Variants in ZRANB3 observed in about 807,000 individuals in gnomAD.
ZRANB3 encodes zinc finger RANBP2-type containing 3.
A neutral mutation model predicts 133.8 loss-of-function variants in ZRANB3; 125 were observed. That is an observed-to-expected ratio of 0.93 (90% CI 0.81 to 1.08). The LOEUF is 1.08. Among genes scored for constraint, ZRANB3 ranks in the 50% least tolerant of loss-of-function variants. The probability of loss-of-function intolerance (pLI) is 0.00; values close to 1 mark genes in which losing one functional copy is unlikely to be tolerated. For missense variants in ZRANB3, 1,229 were observed against 1,275.5 expected, an observed-to-expected ratio of 0.96 and a Z score of 0.56; for synonymous variants, 387 against 432.7, an observed-to-expected ratio of 0.89 and a Z score of 1.31.
chr2:135,409,095 A>G (rs1188474015), intron 2 of ZRANB3, among the ~76,000 whole-genome samples: 1 of 152,192 alleles, frequency 6.6e-6, no homozygotes, highest in African/African-American at 2.4e-5. Flanking sequence ...GGTGAGGGCC[A>G]CAGGAAACTT....
intron 2 of ZRANB3, among the ~76,000 whole-genome samples, chr2:135,462,377 G>C (rs1005307054): frequency 1.3e-5 from 2 of 152,096 alleles, no homozygotes; most frequent in Admixed American, 6.6e-5. Context: ...ACAATTCCAC[G>C]TAACTAAAAA....
chr2:135,455,136 C>A (rs1251059187), intron 2 of ZRANB3, among the ~76,000 whole-genome samples: 1 of 146,756 alleles, frequency 6.8e-6, no homozygotes, highest in Admixed American at 6.9e-5. Context: ...TTCAGTGTGC[C>A]TGGCCACTGA....
intron 2 of ZRANB3, among the ~76,000 whole-genome samples, chr2:135,480,677 A>G (rs961743281): frequency 1.3e-5 from 2 of 151,276 alleles, no homozygotes; most frequent in Non-Finnish European, 2.9e-5. Flanking sequence ...GGTTAGTTAC[A>G]TATGTATACA....
intron 1 of ZRANB3, among the ~76,000 whole-genome samples, chr2:135,513,717 G>A (rs553546278): frequency 1.2e-4 from 18 of 152,222 alleles, no homozygotes; most frequent in African/African-American, 3.4e-4. Flanking sequence ...TGTCCTGAAT[G>A]GTATTGCCTA....
chr2:135,247,940 G>A (rs750923980), intron 12 of ZRANB3, among the ~76,000 whole-genome samples: 3 of 151,972 alleles, frequency 2.0e-5, no homozygotes, highest in Non-Finnish European at 2.9e-5. Context: ...GTGAGTCCCC[G>A]ATCCCATTCC....
intron 2 of ZRANB3, among the ~76,000 whole-genome samples, chr2:135,486,715 T>A (rs375291276): frequency 6.6e-6 from 1 of 152,178 alleles, no homozygotes; most frequent in Non-Finnish European, 1.5e-5. Flanking sequence ...GATTTTGCCA[T>A]GTTGACTAGG....
intron 2 of ZRANB3, among the ~76,000 whole-genome samples, chr2:135,478,540 CTT>C (rs1691608725): frequency 6.6e-6 from 1 of 151,964 alleles, no homozygotes; most frequent in Non-Finnish European, 1.5e-5. Flanking sequence ...TTATATAACT[CTT>C]ATGTAAATGG....
At chr2:135,445,004 CCAA>C (rs1339075375) in intron 2 of ZRANB3, among the ~76,000 whole-genome samples, 2 of 151,890 alleles carry the variant, frequency 1.3e-5, no homozygotes, top group South Asian at 2.1e-4. Flanking sequence ...GCATGAAAAC[CCAA>C]CAACAATAGG....
intron 6 of ZRANB3, among the ~76,000 whole-genome samples, chr2:135,341,471 T>C (rs1336686779): frequency 4.7e-5 from 7 of 150,146 alleles, no homozygotes; most frequent in Admixed American, 4.6e-4. Flanking sequence ...CCTGTGATGA[T>C]TGCATTATCT....
chr2:135,206,013 A>C (rs1693841688), intron 19 of ZRANB3, among the ~76,000 whole-genome samples: 1 of 152,188 alleles, frequency 6.6e-6, no homozygotes, highest in East Asian at 1.9e-4. Flanking sequence ...TACAATTCTT[A>C]CTGAGAAAAT....
chr2:135,390,824 GAAAAAA>G lies in ZRANB3; in HGVS notation c.162-10_162-5del. ...TACTTCATCAGCCACCATACACCTG[GAAAAAA>G]AAAAAAAAAAAAATTAATTATCAGA... On this transcript the variant is annotated splice_region_variant and splice_polypyrimidine_tract_variant and intron_variant, in intron 2 of 20. Coordinates refer to ENST00000264159, the MANE Select transcript of ZRANB3 (RefSeq NM_032143.4). 2.3e-6 allele frequency: 3 copies of G among 1,298,914 alleles called. No individual in the cohort carries two copies. The highest frequency in any genetic ancestry group is 2.9e-5 in the East Asian group (1 of 34,578). The allele number at this position is 1,298,914 out of a possible 1,614,324, so 80.5% of individuals were successfully genotyped here.
chr2:135,219,130 C>A lies in ZRANB3; in HGVS notation c.2299G>T (p.Asp767Tyr). The A allele has an allele frequency of 6.5e-7, 1 of 1,542,008 alleles. No individual in the cohort carries two copies. Among genetic ancestry groups the A allele is most frequent in the Admixed American group, 2.3e-5 (1 of 44,334 alleles). The change falls in exon 16 of 21, where the codon GAC becomes TAC. Residue 767 changes from aspartate to tyrosine, a missense_variant. Asp to Tyr is a radical substitution (Grantham distance 160). Transcript: ENST00000264159. ...CNFIPLDIKLDLWEDLPASFQ... is the reference protein window; with the variant it reads ...CNFIPLDIKLYLWEDLPASFQ... ...CTTGCTGGTAAATCTTCCCAAAGGT[C>A]TAATTTTATATCCAGAGGAATGAAA...
intron 3 of ZRANB3, among the ~76,000 whole-genome samples, chr2:135,382,215 A>C (rs1399480835): frequency 1.3e-5 from 2 of 152,226 alleles, no homozygotes; most frequent in East Asian, 3.8e-4. Context: ...TCATTAGCCG[A>C]TTCGATCAAC....
chr2:135,409,331 T>G (rs1226296906), intron 2 of ZRANB3, among the ~76,000 whole-genome samples: 1 of 152,040 alleles, frequency 6.6e-6, no homozygotes, highest in Non-Finnish European at 1.5e-5. Context: ...AACATGAAAT[T>G]TGGAGAAGAT....
Position 135,398,302 on chromosome 2 carries a change from G to A in ZRANB3, c.162-7482C>T, listed in dbSNP as rs982535270. ...AGGATGGTCTTGATCTCCTGACCTC[G>A]TGATCTGCCTGCCTCGGCCTCCCAA... On this transcript the variant is annotated intron_variant, in intron 2 of 20. Coordinates refer to ENST00000264159, the MANE Select transcript of ZRANB3 (RefSeq NM_032143.4). Among the ~76,000 whole-genome samples the A allele has an allele frequency of 7.9e-5, 12 of 151,844 alleles. 1 individual carries two copies. The highest frequency in any genetic ancestry group is 2.0e-4 in the Admixed American group (3 of 15,222).
intron 2 of ZRANB3, among the ~76,000 whole-genome samples, chr2:135,458,902 A>T (rs1456245886): frequency 1.3e-5 from 2 of 152,162 alleles, no homozygotes; most frequent in African/African-American, 4.8e-5. Flanking sequence ...AGAAAGAAAA[A>T]AATAAAACTC....
intron 19 of ZRANB3, among the ~76,000 whole-genome samples, chr2:135,205,181 A>G (rs1420751138): frequency 6.6e-6 from 1 of 152,222 alleles, no homozygotes; most frequent in Non-Finnish European, 1.5e-5. Context: ...ATAAAAATAT[A>G]TAATTTGTCA....
chr2:135,323,690 G>A (rs1683653525), intron 6 of ZRANB3, among the ~76,000 whole-genome samples: 1 of 152,094 alleles, frequency 6.6e-6, no homozygotes, highest in African/African-American at 2.4e-5. Flanking sequence ...AAAAACATGA[G>A]TTAAAAACTC....
chr2:135,414,742 A>G (rs903362496), intron 2 of ZRANB3, among the ~76,000 whole-genome samples: 1 of 152,172 alleles, frequency 6.6e-6, no homozygotes, highest in African/African-American at 2.4e-5. Flanking sequence ...AACAGAAATT[A>G]TAACAAACTC....
Sources: gnomAD v4.1 joint callset for allele counts (sites outside exome capture counted in the v4.1 genomes callset) on GRCh38, gnomAD v4.1.1 for gene constraint, MANE v1.5 for transcripts, NCBI Gene and HGNC (gene_info 2026-07-23, HGNC 2026-07-21) for gene names.